GNAQ: variants seen among roughly 807,000 people sequenced by gnomAD.
The protein encoded by GNAQ is G protein subunit alpha q.
GNAQ carries 8 observed loss-of-function variants against 43.9 expected under a neutral mutation model. The observed-to-expected ratio is 0.18, with a 90% CI of 0.11 to 0.33. The LOEUF (loss-of-function observed/expected upper bound fraction) is 0.33. GNAQ is among the 10% of genes least tolerant of loss of function. The pLI is 1.00. For synonymous variants in GNAQ, 155 were observed against 170.7 expected (o/e 0.91, Z 0.71); for missense variants, 158 against 450.8 (o/e 0.35, Z 5.88).
chr9:77,766,094 A>AT (rs1214735620), intron 5 of GNAQ, among the ~76,000 whole-genome samples: 1 of 152,212 alleles, frequency 6.6e-6, no homozygotes, highest in Non-Finnish European at 1.5e-5. Flanking sequence ...TGTAATGGGT[A>AT]TGGAGTTTCA....
At chr9:77,965,757 A>G (rs1309042869) in intron 1 of GNAQ, among the ~76,000 whole-genome samples, 1 of 152,094 alleles carries the variant, frequency 6.6e-6, no homozygotes, top group African/African-American at 2.4e-5. Flanking sequence ...ACTTTGGAAA[A>G]CAGCTTGGCA....
intron 1 of GNAQ, among the ~76,000 whole-genome samples, chr9:77,953,487 G>C (rs1823007019): frequency 6.6e-6 from 1 of 152,054 alleles, no homozygotes; most frequent in Non-Finnish European, 1.5e-5. Flanking sequence ...TTTTCCCCTT[G>C]GACCTTTCCC....
At chr9:78,022,965 G>C (rs939414310) in intron 1 of GNAQ, among the ~76,000 whole-genome samples, 2 of 152,212 alleles carry the variant, frequency 1.3e-5, no homozygotes, top group African/African-American at 4.8e-5. Context: ...GTTAAGGCTT[G>C]CAAGTCACTG....
chr9:77,924,361 C>CA (rs576311490), intron 1 of GNAQ, among the ~76,000 whole-genome samples: 43 of 151,828 alleles, frequency 2.8e-4, no homozygotes, highest in African/African-American at 6.8e-4. Context: ...GTATACAAGA[C>CA]AAAAAAAATC....
intron 1 of GNAQ, among the ~76,000 whole-genome samples, chr9:77,957,519 G>A (rs1382376216): frequency 6.6e-6 from 1 of 152,148 alleles, no homozygotes; most frequent in African/African-American, 2.4e-5. Flanking sequence ...TGCATGGAAA[G>A]CAACTGATGA....
Position 77,920,158 on chromosome 9 carries a change from A to C in GNAQ, c.321+2003T>G, listed in dbSNP as rs551531163. ...GTCTCAAAAAAAAAAAAGAATTGACATGAAAAGTTCAAATAACTTGTTAAA... is the reference window on the plus strand; with the variant it reads ...GTCTCAAAAAAAAAAAAGAATTGACCTGAAAAGTTCAAATAACTTGTTAAA... On this transcript the variant is annotated intron_variant, in intron 2 of 6. Coordinates refer to ENST00000286548, the MANE Select transcript of GNAQ (RefSeq NM_002072.5). 3.3e-5 allele frequency among the ~76,000 whole-genome samples: 5 copies of C among 152,184 alleles called. No homozygotes were observed. In the South Asian group the frequency reaches 6.2e-4, roughly 19 times the overall value.
intron 5 of GNAQ, among the ~76,000 whole-genome samples, chr9:77,729,120 T>A (rs747388075): frequency 1.3e-5 from 2 of 152,206 alleles, no homozygotes; most frequent in African/African-American, 2.4e-5. Flanking sequence ...ATCAAAACAG[T>A]TACTTCTTTG....
intron 1 of GNAQ, among the ~76,000 whole-genome samples, chr9:77,931,153 C>T (rs1829143352): frequency 6.7e-6 from 1 of 148,686 alleles, no homozygotes; most frequent in East Asian, 2.1e-4. Flanking sequence ...GAATGAATGT[C>T]ATTGAGATGC....
At chr9:77,957,055 G>A (rs1823049407) in intron 1 of GNAQ, among the ~76,000 whole-genome samples, 1 of 152,184 alleles carries the variant, frequency 6.6e-6, no homozygotes, top group South Asian at 2.1e-4. Context: ...ATAAATGCTG[G>A]CAATGTAAAA....
At chr9:77,993,884 A>C (rs2118530733) in intron 1 of GNAQ, among the ~76,000 whole-genome samples, 1 of 152,336 alleles carries the variant, frequency 6.6e-6, no homozygotes, top group Admixed American at 6.5e-5. Flanking sequence ...ATAGGTAATA[A>C]AATGATGTTT....
rs116585957 is a variant in GNAQ, at chr9:77,987,473, A to T, written c.136+43627T>A. 6.7e-3 allele frequency among the ~76,000 whole-genome samples: 1,028 copies of T among 152,322 alleles called. 15 individuals carry two copies. The highest frequency in any genetic ancestry group is 0.023 in the African/African-American group (954 of 41,566). On this transcript the variant is annotated intron_variant, in intron 1 of 6. Transcript: ENST00000286548. ...TGATGACAGAAAAGGACTGGACACCACTAATCTAATAGAAGCATCTAAATG... is the reference window on the plus strand; with the variant it reads ...TGATGACAGAAAAGGACTGGACACCTCTAATCTAATAGAAGCATCTAAATG...
At chr9:77,945,325 A>C (rs1822872396) in intron 1 of GNAQ, among the ~76,000 whole-genome samples, 1 of 152,202 alleles carries the variant, frequency 6.6e-6, no homozygotes, top group Non-Finnish European at 1.5e-5. Flanking sequence ...TCAAAAAGTA[A>C]GAAAATAAGT....
intron 2 of GNAQ, among the ~76,000 whole-genome samples, chr9:77,905,727 G>T (rs1402466402): frequency 6.6e-6 from 1 of 152,134 alleles, no homozygotes; most frequent in African/African-American, 2.4e-5. Context: ...AATGATTCTT[G>T]AAAGAGTCCT....
At chr9:78,002,495 A>G (rs1823656202) in intron 1 of GNAQ, among the ~76,000 whole-genome samples, 1 of 152,138 alleles carries the variant, frequency 6.6e-6, no homozygotes, top group African/African-American at 2.4e-5. Flanking sequence ...CCAGACACCA[A>G]ACCAGCCCTT....
intron 2 of GNAQ, among the ~76,000 whole-genome samples, chr9:77,889,804 A>G (rs1828371714): frequency 6.6e-6 from 1 of 152,118 alleles, no homozygotes; most frequent in Non-Finnish European, 1.5e-5. Context: ...CTATCTTTAT[A>G]CCTGTTCTTT....
intron 3 of GNAQ, among the ~76,000 whole-genome samples, chr9:77,804,214 C>G (rs1039409466): frequency 5.3e-5 from 8 of 152,238 alleles, no homozygotes; most frequent in African/African-American, 1.9e-4. Context: ...ACCCCTCCCC[C>G]CACCTATGAC....
rs1828226145 is a variant in GNAQ at position 77,882,314 on chromosome 9, C to T, written c.321+39847G>A. ...TAAATAAAATGGGAGATGAGAATTACTGTTCCAGATCTTGTATTTAAATAA... is the reference window on the plus strand; with the variant it reads ...TAAATAAAATGGGAGATGAGAATTATTGTTCCAGATCTTGTATTTAAATAA... On this transcript the variant is annotated intron_variant, in intron 2 of 6. Coordinates refer to ENST00000286548, the MANE Select transcript of GNAQ (RefSeq NM_002072.5). Among the ~76,000 whole-genome samples the T allele has an allele frequency of 2.0e-5, 3 of 152,292 alleles. 1 individual carries two copies. The Middle Eastern group carries it at 0.01, about 518-fold the overall frequency.
At chr9:77,821,253 T>A (rs1194310561) in intron 2 of GNAQ, among the ~76,000 whole-genome samples, 1 of 152,174 alleles carries the variant, frequency 6.6e-6, no homozygotes. Flanking sequence ...CAAAAAACAT[T>A]TGCTGGAACT....
chr9:77,807,986 T>G (rs895719689), intron 3 of GNAQ, among the ~76,000 whole-genome samples: 6 of 152,278 alleles, frequency 3.9e-5, no homozygotes, highest in Admixed American at 6.5e-5. Context: ...AAATTTGGCC[T>G]GCAGGTTTGC....
Sources: allele counts gnomAD v4.1 joint callset (sites outside exome capture counted in the v4.1 genomes callset), GRCh38; gene constraint gnomAD v4.1.1; transcripts MANE v1.5; gene names NCBI Gene and HGNC (gene_info 2026-07-23, HGNC 2026-07-21).